The following ZNF425 variants were observed in gnomAD, a reference collection of about 807,000 sequenced individuals.
ZNF425 encodes zinc finger protein 425.
A neutral mutation model predicts 17.0 loss-of-function variants in ZNF425; 21 were observed. The observed-to-expected ratio is 1.23, with a 90% CI of 0.88 to 1.78. ZNF425 has a LOEUF of 1.78. ZNF425 is among the 40% of genes most tolerant of loss of function. The pLI, the probability that ZNF425 is intolerant of heterozygous loss-of-function variation, is 0.00. For missense variants in ZNF425, 868 were observed against 967.3 expected (o/e 0.90, Z 1.36); for synonymous variants, 433 against 384.1 (o/e 1.13, Z -1.49).
chr7:149,117,968 C>A (rs2129518426), intron 2 of ZNF425, among the ~76,000 whole-genome samples: 1 of 151,994 alleles, frequency 6.6e-6, no homozygotes, highest in Non-Finnish European at 1.5e-5. Flanking sequence ...CTTAGTAATT[C>A]TAATTGTGGG....
intron 3 of ZNF425, among the ~76,000 whole-genome samples, chr7:149,110,302 A>G (rs1253210174): frequency 6.6e-6 from 1 of 151,036 alleles, no homozygotes; most frequent in African/African-American, 2.4e-5. Flanking sequence ...ACGGTAGCTC[A>G]CGCCTGTAAT....
At chr7:149,115,180 T>C (rs139879147) in intron 2 of ZNF425, among the ~76,000 whole-genome samples, 6,378 of 146,744 alleles carry the variant, frequency 0.043, 469 homozygotes, top group African/African-American at 0.15. Context: ...AAACTCCTTA[T>C]CTCAAGTGAT....
Position 149,126,295 on chromosome 7 carries a change from T to G in ZNF425, c.-82A>C, listed in dbSNP as rs915571887. 16 of 1,545,164 alleles carry G rather than the reference T, an allele frequency of 1.0e-5. No individual in the cohort carries two copies. The highest frequency in any genetic ancestry group is 2.4e-5 in the South Asian group (2 of 83,982). Reference sequence around the variant, plus strand: ...ACCCAACTCCCAGGTACAGCCCTGCTGGCCCCCAAAGGCAGAGCCGGCCGG... The same window carrying G: ...ACCCAACTCCCAGGTACAGCCCTGCGGGCCCCCAAAGGCAGAGCCGGCCGG... On this transcript the variant is annotated 5_prime_UTR_variant, in exon 1 of 4. Coordinates refer to ENST00000378061, the MANE Select transcript of ZNF425 (RefSeq NM_001001661.3).
chr7:149,109,619 T>C (rs1320628258), intron 3 of ZNF425, among the ~76,000 whole-genome samples: 1 of 152,214 alleles, frequency 6.6e-6, no homozygotes, highest in Non-Finnish European at 1.5e-5. Flanking sequence ...GCAATCTTAT[T>C]TTATAGTTGA....
intron 1 of ZNF425, among the ~76,000 whole-genome samples, chr7:149,119,077 A>G (rs140434414): frequency 0.013 from 1,964 of 151,484 alleles, 15 homozygotes; most frequent in African/African-American, 0.021. Context: ...AGGCGGGAGG[A>G]CTGCTTAAGT....
At chr7:149,125,513 T>A (rs1826448012) in intron 1 of ZNF425, among the ~76,000 whole-genome samples, 1 of 152,184 alleles carries the variant, frequency 6.6e-6, no homozygotes, top group South Asian at 2.1e-4. Flanking sequence ...TTAACACTGA[T>A]GTGCTTCTCT....
At chr7:149,106,881 G>A (rs935494374) in intron 3 of ZNF425, among the ~76,000 whole-genome samples, 1 of 152,012 alleles carries the variant, frequency 6.6e-6, no homozygotes, top group African/African-American at 2.4e-5. Context: ...GGCTGAGGTG[G>A]GCAGATCACG....
chr7:149,108,017 C>T (rs1448047455), intron 3 of ZNF425, among the ~76,000 whole-genome samples: 2 of 152,090 alleles, frequency 1.3e-5, no homozygotes, highest in African/African-American at 4.8e-5. Context: ...ACTACAGGCA[C>T]ACACCATCAT....
chr7:149,104,809 C>T lies in ZNF425; in HGVS notation c.1062G>A (p.Gly354=). The part of the protein sequence containing the change: ...GMKVHLTQHS[G]KRPFHCPECG... ...ACTCGGGACAGTGGAAGGGCCTCTT[C>T]CCGCTGTGCTGGGTCAGATGGACCT... Residue 354 remains glycine, a synonymous_variant, in exon 4 of 4, where the codon GGG becomes GGA. Coordinates refer to ENST00000378061, the MANE Select transcript of ZNF425 (RefSeq NM_001001661.3). The surrounding 1 kb of genome is among the most constrained non-coding windows in gnomAD (Gnocchi z 4.3). 2 of 1,613,820 alleles carry T rather than the reference C, an allele frequency of 1.2e-6. No homozygotes were observed. Among genetic ancestry groups the T allele is most frequent in the African/African-American group, 1.3e-5 (1 of 75,050 alleles).
chr7:149,103,999 G>A lies in ZNF425; in HGVS notation c.1872C>T (p.Asn624=), dbSNP rs11525060. 0.66 allele frequency: 1,064,554 copies of A among 1,613,710 alleles called. 357,318 individuals are homozygous for A. The highest frequency in any genetic ancestry group is 0.91 in the East Asian group (40,892 of 44,864). The change falls in exon 4 of 4, where the codon AAC becomes AAT. Residue 624 remains asparagine (N), a synonymous_variant. Transcript: ENST00000378061. ...TGTGCTGCAGCAGGTGGCTTTTCAG[G>A]TTTCCCTTGAGGCGGAAAGTCTTCT... The part of the protein sequence containing the change: ...ECEKTFRLKG[N]LKSHLLQHSG...
intron 2 of ZNF425, among the ~76,000 whole-genome samples, chr7:149,113,797 C>T (rs1351286724): frequency 2.6e-5 from 4 of 151,706 alleles, no homozygotes; most frequent in Non-Finnish European, 1.5e-5. Context: ...GTGATCCACC[C>T]ACCTTGGCCT....
chr7:149,120,482 AAGT>A (rs2129518542), intron 1 of ZNF425, among the ~76,000 whole-genome samples: 1 of 152,320 alleles, frequency 6.6e-6, no homozygotes, highest in African/African-American at 2.4e-5. Flanking sequence ...AGATCCATCC[AAGT>A]TGTCATGTTT....
At chr7:149,117,515 G>C (rs908847844) in intron 2 of ZNF425, among the ~76,000 whole-genome samples, 3 of 151,224 alleles carry the variant, frequency 2.0e-5, no homozygotes, top group Non-Finnish European at 4.4e-5. Context: ...GAAACCAATA[G>C]TTCCTTGAAG....
At chr7:149,125,139 T>C (rs1327855863) in intron 1 of ZNF425, among the ~76,000 whole-genome samples, 1 of 152,104 alleles carries the variant, frequency 6.6e-6, no homozygotes, top group Non-Finnish European at 1.5e-5. Flanking sequence ...AAAGAATCTG[T>C]ACCTGCCAAA....
chr7:149,115,794 C>T (rs1645958808), intron 2 of ZNF425, among the ~76,000 whole-genome samples: 1 of 151,980 alleles, frequency 6.6e-6, no homozygotes, highest in African/African-American at 2.4e-5. Flanking sequence ...AGCTACAGCT[C>T]AGCCCTCAGA....
chr7:149,119,239 G>A (rs968999674), intron 1 of ZNF425, among the ~76,000 whole-genome samples: 1 of 151,662 alleles, frequency 6.6e-6, no homozygotes, highest in Non-Finnish European at 1.5e-5. Flanking sequence ...AGCCTCCCAA[G>A]TAGCTGGGAT....
chr7:149,105,391 G>A lies in ZNF425; in HGVS notation c.480C>T (p.Ile160=), dbSNP rs985003123. Residue 160 remains isoleucine (I), a synonymous_variant, in exon 4 of 4, where the codon ATC becomes ATT. Coordinates refer to ENST00000378061, the MANE Select transcript of ZNF425 (RefSeq NM_001001661.3). ...CTTTCTTGTCTGGATCATATGCTGT[G>A]ATGCTGACTTTTTTATTTAGAATCT... ...ETEILNKKVS[I]TAYDPDKKDL... is the part of the protein sequence containing the mutation. The A allele has an allele frequency of 6.9e-6, 11 of 1,585,716 alleles. No homozygotes were observed. In the African/African-American group the frequency reaches 1.2e-4, roughly 18 times the overall value.
chr7:149,111,590 TAAAAAAAAA>T (rs60783786), intron 3 of ZNF425, among the ~76,000 whole-genome samples: 1,192 of 54,352 alleles, frequency 0.022, 28 homozygotes, highest in African/African-American at 0.074. Context: ...AGACTCTGTC[TAAAAAAAAA>T]AAAAAAAAAA....
intron 2 of ZNF425, among the ~76,000 whole-genome samples, chr7:149,115,687 C>CAAA (rs59871764): frequency 0.037 from 3,265 of 88,952 alleles, 140 homozygotes; most frequent in African/African-American, 0.12. Flanking sequence ...GAGACTCCGT[C>CAAA]AAAAAAAAAA....
Sources: allele counts gnomAD v4.1 joint callset (sites outside exome capture counted in the v4.1 genomes callset), GRCh38; gene constraint gnomAD v4.1.1; non-coding constraint Gnocchi (gnomAD v3.1); transcripts MANE v1.5; gene names NCBI Gene and HGNC (gene_info 2026-07-23, HGNC 2026-07-21).